CECR2: variants seen among roughly 807,000 people sequenced by gnomAD.
The protein encoded by CECR2 is CECR2 histone acetyl-lysine reader.
Under a neutral mutation model 154.5 loss-of-function variants are expected in CECR2, and 30 were observed. The ratio of observed to expected loss-of-function variants is 0.19; its 90% CI spans 0.15 to 0.26. The LOEUF (loss-of-function observed/expected upper bound fraction) is 0.26. Ranked by LOEUF, CECR2 falls within the 10% of genes least tolerant of loss-of-function variation. The probability of loss-of-function intolerance (pLI) is 1.00; values close to 1 mark genes in which losing one functional copy is unlikely to be tolerated. For synonymous variants in CECR2, 725 were observed against 683.7 expected (o/e 1.06, Z -0.94); for missense variants, 1,743 against 1,829.3 (o/e 0.95, Z 0.86).
At chr22:17,417,087 G>C (rs910949767) in intron 1 of CECR2, among the ~76,000 whole-genome samples, 1 of 150,136 alleles carries the variant, frequency 6.7e-6, no homozygotes, top group Non-Finnish European at 1.5e-5. Flanking sequence ...ATCACATACA[G>C]TGGTAGATGT....
intron 2 of CECR2, among the ~76,000 whole-genome samples, chr22:17,487,094 C>A (rs1426277193): frequency 6.6e-6 from 1 of 152,214 alleles, no homozygotes; most frequent in Non-Finnish European, 1.5e-5. Flanking sequence ...CTTTGCCTTT[C>A]TCTTTCAATA....
intron 8 of CECR2, among the ~76,000 whole-genome samples, chr22:17,523,472 A>G (rs1049656307): frequency 2.0e-5 from 3 of 151,426 alleles, no homozygotes; most frequent in African/African-American, 4.9e-5. Flanking sequence ...ACTTACCTTT[A>G]TCGGCTGGGC....
intron 2 of CECR2, among the ~76,000 whole-genome samples, chr22:17,481,786 G>A (rs562855412): frequency 6.6e-6 from 1 of 152,300 alleles, no homozygotes; most frequent in South Asian, 2.1e-4. Context: ...TGATGCTGGT[G>A]TAAACAAACC....
rs142993414 is a variant in CECR2, at chr22:17,510,892, A to T, written c.871-921A>T. 4.7e-4 allele frequency among the ~76,000 whole-genome samples: 71 copies of T among 152,286 alleles called. No homozygotes were observed. The East Asian group carries it at 0.013, about 27-fold the overall frequency. On this transcript the variant is annotated intron_variant, in intron 7 of 18. Coordinates refer to ENST00000262608, the MANE Select transcript of CECR2 (RefSeq NM_001290047.2). Reference sequence around the variant, plus strand: ...AGTGCTGGGATTACAGGCGTGAGCCACCCCACCCAGCCCGAAACAGAAAAG... The same window carrying T: ...AGTGCTGGGATTACAGGCGTGAGCCTCCCCACCCAGCCCGAAACAGAAAAG...
chr22:17,401,828 A>ACAC (rs1473701465), intron 1 of CECR2, among the ~76,000 whole-genome samples: 1 of 114,150 alleles, frequency 8.8e-6, no homozygotes, highest in African/African-American at 3.2e-5. Flanking sequence ...AATATTTAAC[A>ACAC]CCCCCCCCCG....
chr22:17,368,225 T>A (rs2063013909), upstream of CECR2, among the ~76,000 whole-genome samples: 1 of 152,170 alleles, frequency 6.6e-6, no homozygotes, highest in Admixed American at 6.5e-5. Context: ...TTCCAAAATC[T>A]ATCATATAAA....
intron 2 of CECR2, among the ~76,000 whole-genome samples, chr22:17,478,557 G>A (rs1416745208): frequency 2.0e-5 from 3 of 151,872 alleles, no homozygotes; most frequent in Non-Finnish European, 2.9e-5. Context: ...GGGTTTCACC[G>A]TGTTAGCCAG....
chr22:17,442,027 A>G (rs59358898), intron 1 of CECR2, among the ~76,000 whole-genome samples: 8,261 of 152,250 alleles, frequency 0.054, 477 homozygotes, highest in East Asian at 0.23. Context: ...TTCATTGACC[A>G]TCTTCTACTA....
intron 1 of CECR2, among the ~76,000 whole-genome samples, chr22:17,397,665 T>A (rs1601285128): frequency 1.3e-5 from 2 of 151,954 alleles, no homozygotes; most frequent in South Asian, 4.2e-4. Flanking sequence ...GCTCGGCTAA[T>A]TTTTTGTACT....
rs1290532844 is a variant in CECR2 at position 17,542,545 on chromosome 22, A to G, written c.2402A>G (p.Gln801Arg). Residue 801 changes from glutamine (Q) to arginine (R), a missense_variant, in exon 16 of 19, where the codon CAG becomes CGG. Physicochemically the swap from Gln to Arg is conservative, Grantham distance 43. Around this residue, in one of 4 missense-constraint regions of CECR2, gnomAD observed 1,250 missense variants for 1,192.1 expected, o/e 1.05. Coordinates refer to ENST00000262608, the MANE Select transcript of CECR2 (RefSeq NM_001290047.2). Reference protein sequence around the residue: ...KPHLGPGPSHQPRTLGHVMDS... With the variant: ...KPHLGPGPSHRPRTLGHVMDS... ...CACCTGGGGCCAGGACCCTCTCACC[A>G]GCCTCGCACTCTCGGTCACGTGATG... 6.2e-7 allele frequency: 1 copy of G among 1,613,924 alleles called. No individual in the cohort carries two copies. Among genetic ancestry groups the G allele is most frequent in the Non-Finnish European group, 8.5e-7 (1 of 1,179,848 alleles).
intron 1 of CECR2, among the ~76,000 whole-genome samples, chr22:17,360,758 T>A (rs2146418588): frequency 6.7e-6 from 1 of 150,310 alleles, no homozygotes; most frequent in East Asian, 2.0e-4. Context: ...GGCAGAAGAA[T>A]CACTTGAACC....
At chr22:17,370,381 G>T (rs1472944697) in intron 1 of CECR2, among the ~76,000 whole-genome samples, 2 of 151,074 alleles carry the variant, frequency 1.3e-5, no homozygotes, top group East Asian at 3.9e-4. Context: ...GGCCGGCGGG[G>T]AGGGCTAGCC....
rs1431404739 is a variant in CECR2 at position 17,542,923 on chromosome 22, T to G, written c.2780T>G (p.Val927Gly). Residue 927 changes from valine (V) to glycine (G), a missense_variant, in exon 16 of 19, where the codon GTG becomes GGG. Coordinates refer to ENST00000262608, the MANE Select transcript of CECR2 (RefSeq NM_001290047.2). The part of the protein sequence containing the change: ...PQVAHPMSVT[V>G]SAPKPALGNP... The stretch of plus-strand genomic sequence containing the variant: ...GTAGCTCACCCAATGTCAGTCACTG[T>G]GTCAGCCCCCAAGCCTGCCCTGGGC... The G allele has an allele frequency of 1.9e-6, 3 of 1,613,980 alleles. No individual in the cohort carries two copies. Among genetic ancestry groups the G allele is most frequent in the East Asian group, 4.5e-5 (2 of 44,876 alleles).
At chr22:17,434,794 C>G (rs2054478429) in intron 1 of CECR2, among the ~76,000 whole-genome samples, 1 of 152,100 alleles carries the variant, frequency 6.6e-6, no homozygotes, top group Admixed American at 6.6e-5. Context: ...CAGTGAGTCT[C>G]ATCTTTTTAC....
intron 1 of CECR2, among the ~76,000 whole-genome samples, chr22:17,432,298 T>C (rs981169545): frequency 2.6e-5 from 4 of 152,258 alleles, no homozygotes; most frequent in Admixed American, 6.5e-5. Flanking sequence ...GTGGCAGGCA[T>C]TAGTACTTCA....
At chr22:17,366,501 A>C (rs891880426), upstream of CECR2, among the ~76,000 whole-genome samples, 37 of 152,122 alleles carry the variant, frequency 2.4e-4, no homozygotes, top group African/African-American at 6.5e-4. Context: ...TGTGTTTTTA[A>C]GGAAGATGAT....
chr22:17,482,623 T>C (rs1342398346), intron 2 of CECR2, among the ~76,000 whole-genome samples: 2 of 151,970 alleles, frequency 1.3e-5, no homozygotes, highest in African/African-American at 4.8e-5. Context: ...AATCTCCACC[T>C]CCTGGTCTCA....
chr22:17,445,994 T>C (rs2054655842), intron 1 of CECR2, among the ~76,000 whole-genome samples: 1 of 152,192 alleles, frequency 6.6e-6, no homozygotes, highest in Admixed American at 6.5e-5. Flanking sequence ...ATGTTTTCTG[T>C]TCATGGTTGG....
At chr22:17,411,762 AAG>A (rs1175951113) in intron 1 of CECR2, among the ~76,000 whole-genome samples, 1 of 152,228 alleles carries the variant, frequency 6.6e-6, no homozygotes, top group African/African-American at 2.4e-5. Flanking sequence ...GAGAAGCAAA[AAG>A]AAAATAATTA....
Sources: allele counts gnomAD v4.1 joint callset (sites outside exome capture counted in the v4.1 genomes callset), GRCh38; gene constraint gnomAD v4.1.1; regional missense constraint gnomAD v4.1.1; transcripts MANE v1.5; gene names NCBI Gene and HGNC (gene_info 2026-07-23, HGNC 2026-07-21).